Variants in BMP5 observed in about 807,000 individuals in gnomAD.
BMP5 encodes the protein bone morphogenetic protein 5.
BMP5 carries 23 observed loss-of-function variants against 46.6 expected under a neutral mutation model. That is an observed-to-expected ratio of 0.49 (90% CI 0.35 to 0.70). The LOEUF (loss-of-function observed/expected upper bound fraction) is 0.70, where lower values mean the gene tolerates loss of function less well. Among genes scored for constraint, BMP5 ranks in the 30% least tolerant of loss-of-function variants. The pLI, the probability that BMP5 is intolerant of heterozygous loss-of-function variation, is 0.00. For synonymous variants in BMP5, 204 were observed against 191.9 expected (o/e 1.06, Z -0.52); for missense variants, 545 against 565.6 (o/e 0.96, Z 0.37).
intron 6 of BMP5, among the ~76,000 whole-genome samples, chr6:55,757,578 G>A (rs183351551): frequency 2.0e-5 from 3 of 151,756 alleles, no homozygotes; most frequent in Non-Finnish European, 2.9e-5. Flanking sequence ...CCATACTCCT[G>A]GAAACACTAT....
chr6:55,806,076 G>C (rs113049371), intron 2 of BMP5, among the ~76,000 whole-genome samples: 19 of 152,132 alleles, frequency 1.2e-4, no homozygotes, highest in African/African-American at 4.6e-4. Context: ...AGTTTAATTA[G>C]ATCTCATTTA....
intron 2 of BMP5, among the ~76,000 whole-genome samples, chr6:55,806,543 G>T (rs1171445560): frequency 6.6e-6 from 1 of 152,084 alleles, no homozygotes; most frequent in Non-Finnish European, 1.5e-5. Flanking sequence ...GAATGTCTTG[G>T]CTCTACAGAC....
chr6:55,867,261 CCA>C (rs1777668007), intron 1 of BMP5, among the ~76,000 whole-genome samples: 1 of 152,072 alleles, frequency 6.6e-6, no homozygotes, highest in Non-Finnish European at 1.5e-5. Flanking sequence ...TCTCCCAATG[CCA>C]CAGTTTCTGT....
intron 1 of BMP5, among the ~76,000 whole-genome samples, chr6:55,865,776 T>C (rs1777627784): frequency 6.6e-6 from 1 of 152,198 alleles, no homozygotes; most frequent in Non-Finnish European, 1.5e-5. Flanking sequence ...TTGTCTCATG[T>C]AGGCTCAAAA....
Position 55,794,338 on chromosome 6 carries a change from T to C in BMP5, c.773A>G (p.His258Arg), listed in dbSNP as rs1237190257. 5 of 1,614,054 alleles carry C rather than the reference T, an allele frequency of 3.1e-6. No homozygotes were observed. Among genetic ancestry groups the C allele is most frequent in the African/African-American group, 2.7e-5 (2 of 75,046 alleles). ...LVFDITVTSN[H>R]WVINPQNNLG... Reference sequence around the variant, plus strand: ...ATTATTCTGGGGATTAATCACCCAATGATTGCTGGTCACAGTGATATCAAA... The same window carrying C: ...ATTATTCTGGGGATTAATCACCCAACGATTGCTGGTCACAGTGATATCAAA... The change falls in exon 3 of 7, where the codon CAT (histidine) becomes CGT (arginine). Residue 258 changes from histidine to arginine, a missense_variant. Physicochemically the swap from His to Arg is conservative, Grantham distance 29. Coordinates refer to ENST00000370830, the MANE Select transcript of BMP5 (RefSeq NM_021073.4).
At chr6:55,852,304 C>G (rs1020964310) in intron 1 of BMP5, among the ~76,000 whole-genome samples, 1 of 151,738 alleles carries the variant, frequency 6.6e-6, no homozygotes, top group Non-Finnish European at 1.5e-5. Context: ...TGTGACGATC[C>G]AAGAAAGATT....
chr6:55,841,246 T>C (rs1776944294), intron 1 of BMP5, among the ~76,000 whole-genome samples: 1 of 152,150 alleles, frequency 6.6e-6, no homozygotes, highest in African/African-American at 2.4e-5. Context: ...GATCATTAGG[T>C]TGATGTTGAT....
Position 55,874,559 on chromosome 6 carries a change from C to A in BMP5, c.307G>T (p.Ala103Ser). The A allele has an allele frequency of 6.2e-7, 1 of 1,613,460 alleles. No homozygotes were observed. Among genetic ancestry groups the A allele is most frequent in the South Asian group, 1.1e-5 (1 of 91,076 alleles). ...CCTCTGGTCTCTTCTGCCAAGGATG[C>A]CCTTACTGAGTACTCCGACTCTTCA... is the stretch of plus-strand genomic sequence containing the variant. ...NPEESEYSVR[A>S]SLAEETRGAR... Residue 103 changes from alanine to serine, a missense_variant, in exon 1 of 7, where the codon GCA (alanine) becomes TCA (serine). Ala to Ser is a moderately conservative substitution (Grantham distance 99). Transcript: ENST00000370830.
At chr6:55,792,927 T>C (rs1775608434) in intron 3 of BMP5, among the ~76,000 whole-genome samples, 1 of 152,030 alleles carries the variant, frequency 6.6e-6, no homozygotes, top group South Asian at 2.1e-4. Context: ...TTATTAATGA[T>C]CTTTTTAAAA....
intron 1 of BMP5, among the ~76,000 whole-genome samples, chr6:55,835,217 A>G (rs1776762432): frequency 6.6e-6 from 1 of 152,204 alleles, no homozygotes; most frequent in South Asian, 2.1e-4. Context: ...ATATTATCGA[A>G]AAATACTTTT....
At position 55,819,791 on chromosome 6, in the gene BMP5, C is replaced by T. The variant is rs1239156046; in HGVS notation, c.547G>A (p.Asp183Asn). Residue 183 changes from aspartate to asparagine, a missense_variant, in exon 2 of 7, where the codon GAT becomes AAT. Asp to Asn is a conservative substitution (Grantham distance 23). Transcript: ENST00000370830. ...TCTCCATGAGGAATTTGGGTAAGATCAAATCGAAATTCTTTGTAATGCCTT... is the reference window on the plus strand; with the variant it reads ...TCTCCATGAGGAATTTGGGTAAGATTAAATCGAAATTCTTTGTAATGCCTT... ...QRRHYKEFRF[D>N]LTQIPHGEAV... The T allele has an allele frequency of 1.2e-6, 2 of 1,613,742 alleles. No individual in the cohort carries two copies. The highest frequency in any genetic ancestry group is 4.5e-5 in the East Asian group (2 of 44,846).
chr6:55,786,051 T>C (rs1052695591), intron 3 of BMP5, among the ~76,000 whole-genome samples: 1 of 151,760 alleles, frequency 6.6e-6, no homozygotes, highest in East Asian at 1.9e-4. Context: ...TATGCCTGGG[T>C]ATTCCATGTC....
rs1248041497 is a variant in BMP5, at chr6:55,754,417, T to G, written c.*1116A>C. On this transcript the variant is annotated 3_prime_UTR_variant, in exon 7 of 7. Transcript: ENST00000370830. Reference sequence around the variant, plus strand: ...ACAAAATGCCTTTACAAAATAAGGTTTTCATTGAGCTCACTCTCAAAGATA... The same window carrying G: ...ACAAAATGCCTTTACAAAATAAGGTGTTCATTGAGCTCACTCTCAAAGATA... 1.3e-5 allele frequency: 2 copies of G among 151,968 alleles called. No homozygotes were observed. Among genetic ancestry groups the G allele is most frequent in the Admixed American group, 6.6e-5 (1 of 15,196 alleles). 9.4% of individuals were successfully genotyped at this position (151,968 alleles called of 1,614,324 possible).
chr6:55,800,404 A>T (rs574675254), intron 2 of BMP5, among the ~76,000 whole-genome samples: 10 of 152,210 alleles, frequency 6.6e-5, no homozygotes, highest in Non-Finnish European at 1.3e-4. Context: ...TTATCTACCT[A>T]TGCTTATACA....
rs1039059596 is a variant in BMP5, at chr6:55,771,544, A to G, written c.1027+2505T>C. 2.0e-5 allele frequency among the ~76,000 whole-genome samples: 3 copies of G among 151,886 alleles called. No individual in the cohort carries two copies. In the East Asian group the frequency reaches 5.8e-4, roughly 29 times the overall value. ...CAGCACGTTAATTTACTCAACAAGT[A>G]TTTTGGGGACTCCTATTCTGTGCTG... On this transcript the variant is annotated intron_variant, in intron 4 of 6. Coordinates refer to ENST00000370830, the MANE Select transcript of BMP5 (RefSeq NM_021073.4).
At chr6:55,800,226 A>G (rs1775811372) in intron 2 of BMP5, among the ~76,000 whole-genome samples, 1 of 152,216 alleles carries the variant, frequency 6.6e-6, no homozygotes, top group Non-Finnish European at 1.5e-5. Context: ...TGATAAAGGC[A>G]TAATGTCAAA....
intron 2 of BMP5, among the ~76,000 whole-genome samples, chr6:55,817,597 T>C (rs1776307195): frequency 6.6e-6 from 1 of 151,704 alleles, no homozygotes; most frequent in East Asian, 1.9e-4. Flanking sequence ...CTGGGGACTG[T>C]TGTGGGGTGG....
At position 55,837,410 on chromosome 6, in the gene BMP5, A is replaced by C. The variant is rs1309765369; in HGVS notation, c.491-17563T>G. 2.6e-5 allele frequency among the ~76,000 whole-genome samples: 4 copies of C among 151,286 alleles called. No homozygotes were observed. The East Asian group carries it at 7.7e-4, about 29-fold the overall frequency. ...AGATAGAAGAGATAGGCAGGCAGAC[A>C]GACAGACAGATAGATATTTACTTTG... On this transcript the variant is annotated intron_variant, in intron 1 of 6. Coordinates refer to ENST00000370830, the MANE Select transcript of BMP5 (RefSeq NM_021073.4).
chr6:55,792,272 G>T (rs569089212), intron 3 of BMP5, among the ~76,000 whole-genome samples: 2 of 152,144 alleles, frequency 1.3e-5, no homozygotes, highest in African/African-American at 4.8e-5. Flanking sequence ...GGTGGCTCAC[G>T]CCTGTAATCC....
Sources: allele counts gnomAD v4.1 joint callset (sites outside exome capture counted in the v4.1 genomes callset), GRCh38; gene constraint gnomAD v4.1.1; transcripts MANE v1.5; gene names NCBI Gene and HGNC (gene_info 2026-07-23, HGNC 2026-07-21).